NCALD: variants seen among roughly 807,000 people sequenced by gnomAD.
The protein encoded by NCALD is neurocalcin-delta.
In NCALD, 10 loss-of-function variants were observed where a neutral mutation model predicts 18.6. The ratio of observed to expected loss-of-function variants is 0.54; its 90% CI spans 0.33 to 0.91. The LOEUF is 0.91. NCALD is among the 40% of genes least tolerant of loss of function. The probability of loss-of-function intolerance (pLI) is 0.03; values close to 1 mark genes in which losing one functional copy is unlikely to be tolerated. For missense variants in NCALD, 184 were observed against 247.6 expected, an observed-to-expected ratio of 0.74 and a Z score of 1.72; for synonymous variants, 88 against 87.4, an observed-to-expected ratio of 1.01 and a Z score of -0.04.
intron 2 of NCALD, among the ~76,000 whole-genome samples, chr8:101,986,105 A>G (rs899194332): frequency 6.6e-6 from 1 of 152,018 alleles, no homozygotes; most frequent in Non-Finnish European, 1.5e-5. Flanking sequence ...ATCTTGGCTC[A>G]CTGCAACCTC....
upstream of NCALD, chr8:102,124,710 C>T (rs992888839): frequency 6.6e-6 from 1 of 152,652 alleles, no homozygotes; most frequent in East Asian, 1.9e-4. Context: ...GGTCCCTGCT[C>T]TACCGCAGTG....
chr8:101,944,963 G>A, intron 2 of NCALD, among the ~76,000 whole-genome samples: 1 of 152,100 alleles, frequency 6.6e-6, no homozygotes, highest in Non-Finnish European at 1.5e-5. Context: ...TTTTAGTTGG[G>A]GCTGATGTGT....
intron 2 of NCALD, among the ~76,000 whole-genome samples, chr8:102,000,597 C>G (rs1481280814): frequency 6.6e-6 from 1 of 152,166 alleles, no homozygotes; most frequent in African/African-American, 2.4e-5. Context: ...GTCCCTGAAC[C>G]CCGAATAGCC....
At chr8:101,816,330 G>T (rs184446967) in intron 4 of NCALD, among the ~76,000 whole-genome samples, 6 of 152,188 alleles carry the variant, frequency 3.9e-5, no homozygotes, top group Admixed American at 3.9e-4. Context: ...CCTGAAAACA[G>T]GAGATAAAAA....
At chr8:102,082,919 G>C (rs948735562) in intron 1 of NCALD, among the ~76,000 whole-genome samples, 1 of 152,342 alleles carries the variant, frequency 6.6e-6, no homozygotes, top group South Asian at 2.1e-4. Flanking sequence ...TAATTTGCCA[G>C]TCCACGGGTG....
In NCALD at chr8:101,977,798, C is replaced by T. The variant is rs114767083; in HGVS notation, c.-157+42439G>A. On this transcript the variant is annotated intron_variant, in intron 2 of 6. Transcript: ENST00000311028. ...AATTCCTCCTTTATGACACACACAG[C>T]GATCCTTTCAGAGTGTTTAGATTTT... is the stretch of plus-strand genomic sequence containing the variant. Among the ~76,000 whole-genome samples the T allele has an allele frequency of 7.7e-3, 1,170 of 152,288 alleles. 19 individuals are homozygous for T. Among genetic ancestry groups the T allele is most frequent in the African/African-American group, 0.026 (1,063 of 41,546 alleles).
rs181696279 is a variant in NCALD, at chr8:101,816,993, C to T, written c.-20+70148G>A. ...CTTTAAAAAAAAAACGAAATCAGCA[C>T]ATCCCCTGCTCTCTTCACGGCTTGC... On this transcript the variant is annotated intron_variant, in intron 4 of 6. Transcript: ENST00000311028. Among the ~76,000 whole-genome samples the T allele has an allele frequency of 7.9e-5, 12 of 152,240 alleles. No homozygotes were observed. In the East Asian group the frequency reaches 2.1e-3, roughly 27 times the overall value.
chr8:101,745,954 G>C (rs1473680669), intron 1 of NCALD: 1 of 152,134 alleles, frequency 6.6e-6, no homozygotes. Flanking sequence ...TCTCTGCTTC[G>C]ATCATTACGC....
chr8:101,868,638 G>A (rs1354365776), intron 4 of NCALD, among the ~76,000 whole-genome samples: 1 of 152,188 alleles, frequency 6.6e-6, no homozygotes, highest in Non-Finnish European at 1.5e-5. Flanking sequence ...GGTTGCAGAA[G>A]GCAACTCCTT....
intron 4 of NCALD, among the ~76,000 whole-genome samples, chr8:101,833,192 C>T (rs1814258224): frequency 6.6e-6 from 1 of 152,274 alleles, no homozygotes; most frequent in Non-Finnish European, 1.5e-5. Context: ...TTAATGTGTA[C>T]ACAGATCACC....
intron 4 of NCALD, among the ~76,000 whole-genome samples, chr8:101,866,348 A>G (rs1165513813): frequency 6.6e-6 from 1 of 152,146 alleles, no homozygotes; most frequent in Non-Finnish European, 1.5e-5. Context: ...TTTTCTGTCC[A>G]CACATACTTT....
chr8:101,903,196 A>AT, intron 3 of NCALD, among the ~76,000 whole-genome samples: 1 of 136,818 alleles, frequency 7.3e-6, no homozygotes, highest in African/African-American at 3.2e-5. Context: ...TACTTTTAGG[A>AT]ATTTTTTTTT....
intron 2 of NCALD, among the ~76,000 whole-genome samples, chr8:101,696,206 A>G (rs1338444269): frequency 1.3e-5 from 2 of 152,208 alleles, no homozygotes; most frequent in Non-Finnish European, 2.9e-5. Flanking sequence ...CCACTCACTC[A>G]GTCATTCATC....
upstream of NCALD, among the ~76,000 whole-genome samples, chr8:101,795,448 C>A (rs1377760245): frequency 6.6e-6 from 1 of 152,140 alleles, no homozygotes; most frequent in Non-Finnish European, 1.5e-5. Flanking sequence ...CTTGTGAGAG[C>A]CCATTTCCTG....
At chr8:101,960,700 T>C (rs559755829) in intron 2 of NCALD, among the ~76,000 whole-genome samples, 2 of 152,298 alleles carry the variant, frequency 1.3e-5, no homozygotes, top group Non-Finnish European at 1.5e-5. Flanking sequence ...ATCATTTTGC[T>C]CCTTTGCTTT....
At chr8:102,089,604 A>C (rs967702181) in intron 1 of NCALD, among the ~76,000 whole-genome samples, 1 of 152,162 alleles carries the variant, frequency 6.6e-6, no homozygotes, top group Non-Finnish European at 1.5e-5. Flanking sequence ...GACTTTAGTA[A>C]TCTTTGGAAA....
intron 1 of NCALD, among the ~76,000 whole-genome samples, chr8:101,764,964 T>C (rs747299689): frequency 5.3e-5 from 8 of 152,182 alleles, no homozygotes; most frequent in Admixed American, 2.0e-4. Context: ...CTGCTAATCA[T>C]AGAGCCTGCC....
chr8:101,967,093 A>C (rs1405926387), intron 2 of NCALD, among the ~76,000 whole-genome samples: 1 of 152,196 alleles, frequency 6.6e-6, no homozygotes, highest in African/African-American at 2.4e-5. Context: ...TAGAGCTTTC[A>C]AAACAGCTGC....
rs1219195185 is a variant in NCALD, at chr8:102,058,103, T to C, written c.-209-37814A>G. On this transcript the variant is annotated intron_variant, in intron 1 of 6. Coordinates refer to the NCALD transcript ENST00000311028. ...CAGCCAGCAAGGTCTCCTTTTATGA[T>C]ATGTCATCTTTAACTGGGAAAGCAG... Among the ~76,000 whole-genome samples, 5 of 152,240 alleles carry C rather than the reference T, an allele frequency of 3.3e-5. No homozygotes were observed. In the South Asian group the frequency reaches 6.2e-4, roughly 19 times the overall value.
Sources: gnomAD v4.1 joint callset for allele counts (sites outside exome capture counted in the v4.1 genomes callset) on GRCh38, gnomAD v4.1.1 for gene constraint, MANE v1.5 for transcripts, NCBI Gene and HGNC (gene_info 2026-07-23, HGNC 2026-07-21) for gene names.